TPRG1: variants seen among roughly 807,000 people sequenced by gnomAD.
TPRG1 encodes the protein tumor protein p63 regulated 1.
In TPRG1, 29 loss-of-function variants were observed where a neutral mutation model predicts 29.3. That is an observed-to-expected ratio of 0.99 (90% CI 0.74 to 1.35). TPRG1 has a LOEUF of 1.35. Among genes scored for constraint, TPRG1 ranks in the 40% most tolerant of loss-of-function variants. TPRG1 has a pLI of 0.00. For missense variants in TPRG1, 327 were observed against 335.0 expected (o/e 0.98, Z 0.19); for synonymous variants, 130 against 116.8 (o/e 1.11, Z -0.73).
chr3:189,009,688 A>G (rs368408516), intron 3 of TPRG1, among the ~76,000 whole-genome samples: 8 of 152,002 alleles, frequency 5.3e-5, no homozygotes, highest in African/African-American at 1.4e-4. Flanking sequence ...TTCTTTCCCA[A>G]TAGAAATAAA....
chr3:189,072,837 TTTA>T (rs1404360414), intron 4 of TPRG1, among the ~76,000 whole-genome samples: 1 of 152,176 alleles, frequency 6.6e-6, no homozygotes, highest in East Asian at 1.9e-4. Context: ...ACTCATGGAA[TTTA>T]TTATGTTTAA....
intron 3 of TPRG1, among the ~76,000 whole-genome samples, chr3:189,144,382 T>C (rs1724973387): frequency 6.6e-6 from 1 of 152,184 alleles, no homozygotes; most frequent in Non-Finnish European, 1.5e-5. Context: ...CAAATACTCC[T>C]CCAGGTGACA....
At chr3:189,258,818 C>G (rs747207213) in intron 4 of TPRG1, among the ~76,000 whole-genome samples, 10 of 152,148 alleles carry the variant, frequency 6.6e-5, no homozygotes, top group Admixed American at 1.3e-4. Context: ...GGAAAACTGC[C>G]TACTCAAGCC....
chr3:189,015,943 C>T (rs1712907857), intron 3 of TPRG1, among the ~76,000 whole-genome samples: 1 of 152,126 alleles, frequency 6.6e-6, no homozygotes, highest in African/African-American at 2.4e-5. Flanking sequence ...GGAGTTGGAG[C>T]CCCCACACAG....
chr3:189,228,115 C>T (rs1738057407), intron 3 of TPRG1, among the ~76,000 whole-genome samples: 1 of 152,094 alleles, frequency 6.6e-6, no homozygotes, highest in Non-Finnish European at 1.5e-5. Flanking sequence ...AGCGAGACTC[C>T]ATCTCAACAA....
chr3:189,205,662 A>G (rs923609319), intron 1 of TPRG1, among the ~76,000 whole-genome samples: 1 of 152,216 alleles, frequency 6.6e-6, no homozygotes, highest in African/African-American at 2.4e-5. Context: ...TCCTACTTTC[A>G]TGGTGAAAAT....
At chr3:189,210,220 A>C (rs938922083) in intron 2 of TPRG1, among the ~76,000 whole-genome samples, 1 of 152,228 alleles carries the variant, frequency 6.6e-6, no homozygotes, top group Non-Finnish European at 1.5e-5. Context: ...AATTTAAATA[A>C]GCTAACTTTG....
chr3:189,312,109 CTTTCTTTG>C (rs60992736), intron 5 of TPRG1, among the ~76,000 whole-genome samples: 1,550 of 76,386 alleles, frequency 0.02, 96 homozygotes, highest in African/African-American at 0.081. Flanking sequence ...TTCTTTGTTT[CTTTCTTTG>C]TTTCTTTCTT....
At chr3:189,117,215 G>A (rs778704371) in intron 1 of TPRG1, among the ~76,000 whole-genome samples, 1 of 152,194 alleles carries the variant, frequency 6.6e-6, no homozygotes, top group Non-Finnish European at 1.5e-5. Context: ...AGGAAAAGAA[G>A]GTAAGCATAT....
At chr3:189,311,949 C>T (rs1352995199) in intron 5 of TPRG1, among the ~76,000 whole-genome samples, 1 of 152,120 alleles carries the variant, frequency 6.6e-6, no homozygotes, top group South Asian at 2.1e-4. Context: ...ATGCTCTTGC[C>T]GTGAACTTCA....
chr3:189,236,947 T>C (rs1351813330), intron 3 of TPRG1, among the ~76,000 whole-genome samples: 3 of 152,198 alleles, frequency 2.0e-5, no homozygotes, highest in Non-Finnish European at 4.4e-5. Flanking sequence ...CTTCCAGCAA[T>C]AGTAACAGCT....
At chr3:189,311,133 T>C (rs1722415741) in intron 5 of TPRG1, among the ~76,000 whole-genome samples, 1 of 152,202 alleles carries the variant, frequency 6.6e-6, no homozygotes, top group Non-Finnish European at 1.5e-5. Context: ...AACAGTTTTC[T>C]ATTATTCTCT....
At chr3:189,075,689 G>A (rs1476491212) in intron 4 of TPRG1, among the ~76,000 whole-genome samples, 1 of 152,114 alleles carries the variant, frequency 6.6e-6, no homozygotes, top group African/African-American at 2.4e-5. Flanking sequence ...TAGTTGCCTT[G>A]GTCAGTTCCA....
Position 189,004,850 on chromosome 3 carries a change from A to T in TPRG1, c.-660+90A>T, listed in dbSNP as rs796294004. On this transcript the variant is annotated intron_variant, in intron 3 of 10. Transcript: ENST00000433971. The stretch of plus-strand genomic sequence containing the variant: ...TCCTAACCCATACTGCCCATTTTTT[A>T]AAATTTTATTTTTATTTTTAATTTT... The T allele has an allele frequency of 2.4e-4, 37 of 152,182 alleles. 1 individual carries two copies. The highest frequency in any genetic ancestry group is 8.9e-4 in the African/African-American group (37 of 41,526). 9.4% of individuals were successfully genotyped at this position (152,182 alleles called of 1,614,324 possible).
At chr3:189,204,005 C>T (rs1733904284) in intron 1 of TPRG1, among the ~76,000 whole-genome samples, 2 of 132,042 alleles carry the variant, frequency 1.5e-5, no homozygotes, top group African/African-American at 5.8e-5. Flanking sequence ...CGTGCCACTG[C>T]ACTTCAGCCT....
chr3:189,087,803 G>T (rs965705563), intron 4 of TPRG1, among the ~76,000 whole-genome samples: 80 of 152,172 alleles, frequency 5.3e-4, no homozygotes, highest in Non-Finnish European at 3.4e-4. Flanking sequence ...GTTTGTCAAA[G>T]ATCAGATGGT....
chr3:189,047,722 A>G (rs1175928994), intron 4 of TPRG1, among the ~76,000 whole-genome samples: 1 of 152,224 alleles, frequency 6.6e-6, no homozygotes, highest in Non-Finnish European at 1.5e-5. Context: ...TGTCATTTCA[A>G]CAATGTTCAC....
chr3:189,311,657 A>G lies in TPRG1; in HGVS notation c.633+1118A>G, dbSNP rs563636390. ...CAATGTTCCTCTCAAGAATTATGCA[A>G]ATGTCCTCAGGGATTTATAGTGTCA... On this transcript the variant is annotated intron_variant, in intron 5 of 5. Coordinates refer to ENST00000345063, the MANE Select transcript of TPRG1 (RefSeq NM_198485.4). 3.9e-5 allele frequency among the ~76,000 whole-genome samples: 6 copies of G among 152,220 alleles called. No individual in the cohort carries two copies. The South Asian group carries it at 8.3e-4, about 21-fold the overall frequency.
chr3:189,318,965 A>C lies in TPRG1; in HGVS notation c.634-1661A>C, dbSNP rs554633759. ...TATAAAGAGAGGACTTCAGGAGTTA[A>C]GTCAGGAGACCTGAGTCCAAGCCCT... On this transcript the variant is annotated intron_variant, in intron 5 of 5. Coordinates refer to ENST00000345063, the MANE Select transcript of TPRG1 (RefSeq NM_198485.4). Among the ~76,000 whole-genome samples the C allele has an allele frequency of 7.9e-5, 12 of 152,298 alleles. No homozygotes were observed. In the South Asian group the frequency reaches 2.5e-3, roughly 32 times the overall value.
Sources: gnomAD v4.1 joint callset for allele counts (sites outside exome capture counted in the v4.1 genomes callset) on GRCh38, gnomAD v4.1.1 for gene constraint, MANE v1.5 for transcripts, NCBI Gene and HGNC (gene_info 2026-07-23, HGNC 2026-07-21) for gene names.